Variants in KCNK2 observed in about 807,000 individuals in gnomAD.
The protein encoded by KCNK2 is potassium channel subfamily K member 2.
In KCNK2, 21 loss-of-function variants were observed where a neutral mutation model predicts 40.5. The observed-to-expected ratio is 0.52, with a 90% CI of 0.37 to 0.75. KCNK2 has a LOEUF of 0.75. Among genes scored for constraint, KCNK2 ranks in the 30% least tolerant of loss-of-function variants. The pLI, the probability that KCNK2 is intolerant of heterozygous loss-of-function variation, is 0.00. For synonymous variants in KCNK2, 191 were observed against 202.2 expected, an observed-to-expected ratio of 0.94 and a Z score of 0.47; for missense variants, 399 against 531.6, an observed-to-expected ratio of 0.75 and a Z score of 2.45.
At chr1:215,019,912 T>C (rs537367066) in intron 1 of KCNK2, among the ~76,000 whole-genome samples, 2 of 151,852 alleles carry the variant, frequency 1.3e-5, no homozygotes, top group South Asian at 4.1e-4. Context: ...TTTCAGGTTG[T>C]ATTTTAGATA....
intron 3 of KCNK2, among the ~76,000 whole-genome samples, chr1:215,147,629 C>T (rs911699675): frequency 2.6e-5 from 4 of 152,006 alleles, no homozygotes; most frequent in African/African-American, 7.3e-5. Context: ...GTCAGAAATT[C>T]GGGACCAGCC....
chr1:215,005,745 G>A (rs1656104591), upstream of KCNK2: 1 of 588,210 alleles, frequency 1.7e-6, no homozygotes, highest in East Asian at 2.8e-5. Flanking sequence ...CGTTTTGAGT[G>A]TTTTTGTACA....
intron 1 of KCNK2, chr1:215,006,008 G>T (rs1030934910): frequency 6.4e-6 from 9 of 1,398,466 alleles, no homozygotes; most frequent in Non-Finnish European, 9.1e-6. Flanking sequence ...ATTTTCTAGA[G>T]TAGGCTGAGT....
chr1:215,038,452 C>A (rs1429927957), intron 1 of KCNK2, among the ~76,000 whole-genome samples: 2 of 152,082 alleles, frequency 1.3e-5, no homozygotes, highest in Admixed American at 6.6e-5. Context: ...CAGGGAGTAG[C>A]CCCTTCCATT....
At chr1:215,231,947 G>A (rs1428753498) in intron 6 of KCNK2, among the ~76,000 whole-genome samples, 1 of 152,036 alleles carries the variant, frequency 6.6e-6, no homozygotes, top group Non-Finnish European at 1.5e-5. Context: ...GAACAACACG[G>A]GAAAGACCCA....
chr1:215,188,600 A>C (rs1056267938), intron 5 of KCNK2, among the ~76,000 whole-genome samples: 1 of 152,100 alleles, frequency 6.6e-6, no homozygotes, highest in African/African-American at 2.4e-5. Flanking sequence ...TTTCTCCCCT[A>C]ACCCCCAAGC....
At position 215,190,253 on chromosome 1, in the gene KCNK2, G is replaced by A. The variant is rs150683738; in HGVS notation, c.824-4700G>A. ...GAACGCTGGAGAGAGGACAGAGCAAGGTAAGGAGGCTCTTGGTGGAATGAT... is the reference window on the plus strand; with the variant it reads ...GAACGCTGGAGAGAGGACAGAGCAAAGTAAGGAGGCTCTTGGTGGAATGAT... On this transcript the variant is annotated intron_variant, in intron 5 of 6. Coordinates refer to ENST00000444842, the MANE Select transcript of KCNK2 (RefSeq NM_001017425.3). Among the ~76,000 whole-genome samples, 550 of 152,260 alleles carry A rather than the reference G, an allele frequency of 3.6e-3. 6 individuals are homozygous for A. The highest frequency in any genetic ancestry group is 0.014 in the Middle Eastern group (4 of 294).
At chr1:215,082,591 A>G (rs944354659), upstream of KCNK2, among the ~76,000 whole-genome samples, 5 of 151,954 alleles carry the variant, frequency 3.3e-5, no homozygotes, top group African/African-American at 4.8e-5. Context: ...TGCCCCCAGG[A>G]AGAGGGAAGA....
chr1:215,201,830 C>A (rs1420965632), intron 6 of KCNK2, among the ~76,000 whole-genome samples: 1 of 152,168 alleles, frequency 6.6e-6, no homozygotes, highest in Admixed American at 6.5e-5. Context: ...GATTGGAGAT[C>A]AGTTCTTAAT....
rs577171449 is a variant in KCNK2, at chr1:215,086,593, A to G, written c.272A>G (p.Gln91Arg). The G allele has an allele frequency of 1.9e-6, 3 of 1,614,066 alleles. No homozygotes were observed. The highest frequency in any genetic ancestry group is 2.7e-5 in the African/African-American group (2 of 75,056). Reference sequence around the variant, plus strand: ...TTGGAGCAGCCTCATGAGATTTCACAGAGGACCACCATTGTGATCCAGAAG... The same window carrying G: ...TTGGAGCAGCCTCATGAGATTTCACGGAGGACCACCATTGTGATCCAGAAG... ...KALEQPHEIS[Q>R]RTTIVIQKQT... Residue 91 changes from glutamine (Q) to arginine (R), a missense_variant, in exon 2 of 7, where the codon CAG becomes CGG. Gln to Arg is a conservative substitution (Grantham distance 43). This residue lies in a region of KCNK2 where 279 missense variants were observed against 353.8 expected (regional missense o/e 0.79). Transcript: ENST00000444842.
At chr1:215,033,149 G>T (rs1019307291) in intron 1 of KCNK2, among the ~76,000 whole-genome samples, 12 of 149,226 alleles carry the variant, frequency 8.0e-5, no homozygotes, top group African/African-American at 3.0e-4. Context: ...TAATGAACCC[G>T]TCAAGGCATT....
intron 2 of KCNK2, among the ~76,000 whole-genome samples, chr1:215,114,318 T>A (rs1660828473): frequency 6.6e-6 from 1 of 152,106 alleles, no homozygotes. Flanking sequence ...GCCAAGTTCA[T>A]TTTCAGCGCT....
At chr1:215,156,276 A>T (rs1429306766) in intron 3 of KCNK2, among the ~76,000 whole-genome samples, 1 of 152,230 alleles carries the variant, frequency 6.6e-6, no homozygotes, top group Admixed American at 6.5e-5. Context: ...GAGACTGTTC[A>T]GCCAGGAGCA....
At chr1:215,094,709 T>C (rs1438924300) in intron 2 of KCNK2, among the ~76,000 whole-genome samples, 1 of 152,082 alleles carries the variant, frequency 6.6e-6, no homozygotes, top group Non-Finnish European at 1.5e-5. Flanking sequence ...ATGAAAGTAG[T>C]CTGTCAGAAA....
At chr1:215,141,211 TAGA>T (rs1403726599) in intron 3 of KCNK2, among the ~76,000 whole-genome samples, 2 of 152,096 alleles carry the variant, frequency 1.3e-5, no homozygotes, top group East Asian at 1.9e-4. Flanking sequence ...TTCTTATAAG[TAGA>T]AGGAGTACAA....
chr1:215,114,278 G>A (rs1041734982), intron 2 of KCNK2, among the ~76,000 whole-genome samples: 1 of 152,110 alleles, frequency 6.6e-6, no homozygotes, highest in African/African-American at 2.4e-5. Flanking sequence ...GTATAAGTGA[G>A]TGACTAATGT....
chr1:215,172,738 ACT>A (rs1553270373), intron 5 of KCNK2, among the ~76,000 whole-genome samples: 2 of 151,630 alleles, frequency 1.3e-5, no homozygotes, highest in African/African-American at 2.4e-5. Context: ...CTCACTGCAA[ACT>A]CTGCCTCCTG....
At chr1:215,171,210 T>A (rs1663696221) in intron 4 of KCNK2, among the ~76,000 whole-genome samples, 1 of 152,182 alleles carries the variant, frequency 6.6e-6, no homozygotes, top group South Asian at 2.1e-4. Flanking sequence ...TAAACTGTTG[T>A]ATATATACCA....
At position 215,083,171 on chromosome 1, in the gene KCNK2, C is replaced by G; in HGVS notation, c.-215C>G. On this transcript the variant is annotated 5_prime_UTR_variant, in exon 1 of 7. Transcript: ENST00000444842. ...CAGCCCGCCGGTGTCCCCTCCTTCCCGCGATTTCGTTTCTTCTCACGCTCC... is the reference window on the plus strand; with the variant it reads ...CAGCCCGCCGGTGTCCCCTCCTTCCGGCGATTTCGTTTCTTCTCACGCTCC... 1 of 1,092,030 alleles carries G rather than the reference C, an allele frequency of 9.2e-7. No homozygotes were observed. Among genetic ancestry groups the G allele is most frequent in the South Asian group, 1.4e-5 (1 of 73,476 alleles). 67.6% of individuals were successfully genotyped at this position (1,092,030 alleles called of 1,614,324 possible).
Sources: allele counts gnomAD v4.1 joint callset (sites outside exome capture counted in the v4.1 genomes callset), GRCh38; gene constraint gnomAD v4.1.1; regional missense constraint gnomAD v4.1.1; transcripts MANE v1.5; gene names NCBI Gene and HGNC (gene_info 2026-07-23, HGNC 2026-07-21).